The following CARS1 variants were observed in gnomAD, a reference collection of about 807,000 sequenced individuals.
CARS1 encodes cysteine--tRNA ligase, cytoplasmic.
Under a neutral mutation model 106.2 loss-of-function variants are expected in CARS1, and 48 were observed. That is an observed-to-expected ratio of 0.45 (90% CI 0.36 to 0.57). The LOEUF (loss-of-function observed/expected upper bound fraction) is 0.57, where lower values mean the gene tolerates loss of function less well. Ranked by LOEUF, CARS1 falls within the 20% of genes least tolerant of loss-of-function variation. The pLI is 0.00. For missense variants in CARS1, 968 were observed against 1,057.2 expected (o/e 0.92, Z 1.17); for synonymous variants, 409 against 403.4 (o/e 1.01, Z -0.17).
At chr11:3,009,321 A>G (rs1850221013) in intron 18 of CARS1, 1 of 152,264 alleles carries the variant, frequency 6.6e-6, no homozygotes, top group Non-Finnish European at 1.5e-5. Context: ...CACCGTGATC[A>G]GCGAAATAAG....
At chr11:3,006,498 G>A (rs1336484258) in intron 19 of CARS1, among the ~76,000 whole-genome samples, 1 of 152,254 alleles carries the variant, frequency 6.6e-6, no homozygotes. Context: ...TTAACTTTCT[G>A]TGGAACAAAA....
rs1853245720 is a variant in CARS1, at chr11:3,034,074, A to G, written c.801+3976T>C. Among the ~76,000 whole-genome samples, 1 of 152,128 alleles carries G rather than the reference A, an allele frequency of 6.6e-6. No individual in the cohort carries two copies. The highest frequency in any genetic ancestry group is 1.5e-5 in the Non-Finnish European group (1 of 68,012). ...TATGATTACAGGAACGAGCCACTGC[A>G]CCTGGTCTGGGCTGGACAATTTGAC... On this transcript the variant is annotated intron_variant, in intron 7 of 22. Coordinates refer to ENST00000380525, the MANE Select transcript of CARS1 (RefSeq NM_001014437.3). The surrounding 1 kb of genome is among the most constrained non-coding windows in gnomAD (Gnocchi z 6.3).
In CARS1 at chr11:3,019,143, G is replaced by T. The variant is rs752227438; in HGVS notation, c.1391C>A (p.Ser464Ter). 1 of 1,517,742 alleles carries T rather than the reference G, an allele frequency of 6.6e-7. No individual in the cohort carries two copies. The highest frequency in any genetic ancestry group is 8.8e-7 in the Non-Finnish European group (1 of 1,137,762). 94.0% of individuals were successfully genotyped at this position (1,517,742 alleles called of 1,614,324 possible). Residue 464 changes from serine (S) to a stop codon, truncating the protein, a stop_gained, in exon 12 of 23, where the codon TCG becomes TAG. Coordinates refer to ENST00000380525, the MANE Select transcript of CARS1 (RefSeq NM_001014437.3). LOFTEE classifies it high-confidence loss of function. The surrounding 1 kb of genome is among the most constrained non-coding windows in gnomAD (Gnocchi z 6.2). ...FPHHDNELAQ[S>*]EAYFENDCWV... ...GGGGACTCTGTTTTCACCTACCTCC[G>T]ACTGTGCCAGCTCATTGTCATGGTG...
Position 3,020,602 on chromosome 11 carries a change from A to T in CARS1, c.1154-270T>A, listed in dbSNP as rs150329634. 1.1e-3 allele frequency among the ~76,000 whole-genome samples: 171 copies of T among 152,346 alleles called. 1 individual carries two copies. The highest frequency in any genetic ancestry group is 3.4e-3 in the African/African-American group (141 of 41,576). On this transcript the variant is annotated intron_variant, in intron 10 of 22. Transcript: ENST00000380525. This position sits in a 1 kb window ranked among gnomAD's most constrained non-coding sequence, Gnocchi z 4.6. Reference sequence around the variant, plus strand: ...AGGCCACATCTGGGGTCTCCGTAAGACATTCACCTTCCTGCTGCCTTCTCA... The same window carrying T: ...AGGCCACATCTGGGGTCTCCGTAAGTCATTCACCTTCCTGCTGCCTTCTCA...
rs1303998096 is a variant in CARS1 at position 3,039,606 on chromosome 11, C to A, written c.552+229G>T. On this transcript the variant is annotated intron_variant, in intron 5 of 22. Coordinates refer to ENST00000380525, the MANE Select transcript of CARS1 (RefSeq NM_001014437.3). This position sits in a 1 kb window ranked among gnomAD's most constrained non-coding sequence, Gnocchi z 5.6. ...CCTTCCTTCTGCAAAACACCCAGGGCTACCGACCCCTGAGCAACATGCAGG... is the reference window on the plus strand; with the variant it reads ...CCTTCCTTCTGCAAAACACCCAGGGATACCGACCCCTGAGCAACATGCAGG... Among the ~76,000 whole-genome samples the A allele has an allele frequency of 1.3e-5, 2 of 152,198 alleles. No individual in the cohort carries two copies. The highest frequency in any genetic ancestry group is 1.5e-5 in the Non-Finnish European group (1 of 68,040).
intron 10 of CARS1, among the ~76,000 whole-genome samples, chr11:3,025,051 A>G (rs560939880): frequency 1.7e-4 from 26 of 152,236 alleles, no homozygotes; most frequent in African/African-American, 6.0e-4. Context: ...GTTCTAGGGT[A>G]GTGAAGCCTT....
intron 18 of CARS1, among the ~76,000 whole-genome samples, 175 bp downstream of exon 18, chr11:3,012,020 T>A (rs567031245): frequency 1.3e-5 from 2 of 152,366 alleles, no homozygotes; most frequent in African/African-American, 4.8e-5. Flanking sequence ...CGTGTGGTAC[T>A]AATGCACCTG....
chr11:3,013,309 C>T (rs1047946482), intron 17 of CARS1, among the ~76,000 whole-genome samples: 16 of 152,088 alleles, frequency 1.1e-4, no homozygotes, highest in South Asian at 2.1e-4. Context: ...TGCGCCACTA[C>T]GCCCAGCTAA....
At chr11:3,049,842 C>G (rs1257671121) in intron 1 of CARS1, among the ~76,000 whole-genome samples, 1 of 152,230 alleles carries the variant, frequency 6.6e-6, no homozygotes, top group Non-Finnish European at 1.5e-5. Flanking sequence ...CCAACCAAGC[C>G]CACACAGCTT....
chr11:3,046,372 G>A lies in CARS1; in HGVS notation c.274+1381C>T, dbSNP rs1322575216. Among the ~76,000 whole-genome samples the A allele has an allele frequency of 6.6e-6, 1 of 152,136 alleles. No individual in the cohort carries two copies. Reference sequence around the variant, plus strand: ...GTCTTGGAATGGCACATGGCAGGGGGAACAACCTGACACCCGAGCCCTTGG... The same window carrying A: ...GTCTTGGAATGGCACATGGCAGGGGAAACAACCTGACACCCGAGCCCTTGG... On this transcript the variant is annotated intron_variant, in intron 2 of 22. Coordinates refer to ENST00000380525, the MANE Select transcript of CARS1 (RefSeq NM_001014437.3). This position sits in a 1 kb window ranked among gnomAD's most constrained non-coding sequence, Gnocchi z 5.8.
At chr11:3,005,254 G>A (rs1849746533) in intron 20 of CARS1, 112 bp downstream of exon 20, 1 of 727,478 alleles carries the variant, frequency 1.4e-6, no homozygotes, top group Non-Finnish European at 2.3e-6. Context: ...TAAATACTGG[G>A]ATTTTAATAA....
At chr11:3,026,958 G>C (rs1390524076) in intron 9 of CARS1, 161 bp from the exon 10 acceptor site, 2 of 770,410 alleles carry the variant, frequency 2.6e-6, no homozygotes, top group Non-Finnish European at 4.0e-6. Flanking sequence ...TGTTTGGACT[G>C]AGTGGGACAC....
rs1158893208 is a variant in CARS1, at chr11:3,028,819, G to T, written c.1031+177C>A. 1 of 612,552 alleles carries T rather than the reference G, an allele frequency of 1.6e-6. No homozygotes were observed. Among genetic ancestry groups the T allele is most frequent in the African/African-American group, 1.8e-5 (1 of 54,278 alleles). The allele number at this position is 612,552 out of a possible 1,614,324, so 37.9% of individuals were successfully genotyped here. A position where few individuals can be genotyped will look rare whatever the true frequency, so the allele number is the denominator to read the frequency against. ...GGCCCCCAGGACAGTGCAGACCCATGCTCCTCAGCCCCTGGGTGGGCCCAG... is the reference window on the plus strand; with the variant it reads ...GGCCCCCAGGACAGTGCAGACCCATTCTCCTCAGCCCCTGGGTGGGCCCAG... On this transcript the variant is annotated intron_variant, in intron 9 of 22. Transcript: ENST00000380525. This position sits in a 1 kb window ranked among gnomAD's most constrained non-coding sequence, Gnocchi z 4.4.
In CARS1 at chr11:3,030,294, G is replaced by A. The variant is rs1378817029; in HGVS notation, c.802-851C>T. 6.6e-6 allele frequency: 1 copy of A among 152,238 alleles called. No individual in the cohort carries two copies. Among genetic ancestry groups the A allele is most frequent in the Non-Finnish European group, 1.5e-5 (1 of 68,080 alleles). The allele number at this position is 152,238 out of a possible 1,614,324, so 9.4% of individuals were successfully genotyped here. On this transcript the variant is annotated intron_variant, in intron 7 of 22. Coordinates refer to ENST00000380525, the MANE Select transcript of CARS1 (RefSeq NM_001014437.3). The surrounding 1 kb of genome is among the most constrained non-coding windows in gnomAD (Gnocchi z 5.7). ...ACAACACAGACAGAGAAGGGGCACA[G>A]GGCCCACGTGGGCCAGGTTCCTGAT...
intron 7 of CARS1, among the ~76,000 whole-genome samples, chr11:3,035,375 A>G (rs956086340): frequency 3.3e-5 from 5 of 152,224 alleles, no homozygotes; most frequent in Non-Finnish European, 1.5e-5. Flanking sequence ...TCAGCACTTC[A>G]CATTCATTGA....
Position 3,040,363 on chromosome 11 carries a change from C to T in CARS1, c.456-432G>A, listed in dbSNP as rs939634012. The T allele has an allele frequency of 5.5e-6, 2 of 361,112 alleles. No homozygotes were observed. Among genetic ancestry groups the T allele is most frequent in the Non-Finnish European group, 1.1e-5 (2 of 185,070 alleles). 22.4% of individuals were successfully genotyped at this position (361,112 alleles called of 1,614,324 possible). Reference sequence around the variant, plus strand: ...TGTGCAGAGGGTCACACCCTCTACCCTCCAGGTTGTTCAAGGGTTGACTAT... The same window carrying T: ...TGTGCAGAGGGTCACACCCTCTACCTTCCAGGTTGTTCAAGGGTTGACTAT... On this transcript the variant is annotated intron_variant, in intron 4 of 22. Transcript: ENST00000380525. The surrounding 1 kb of genome is among the most constrained non-coding windows in gnomAD (Gnocchi z 5.8).
rs1425583194 is a variant in CARS1 at position 3,030,721 on chromosome 11, T to A, written c.802-1278A>T. On this transcript the variant is annotated intron_variant, in intron 7 of 22. Coordinates refer to ENST00000380525, the MANE Select transcript of CARS1 (RefSeq NM_001014437.3). This position sits in a 1 kb window ranked among gnomAD's most constrained non-coding sequence, Gnocchi z 5.7. ...GATACATAATAAAATCCAGTAAATA[T>A]TACAGGCTTAAAGACATAAGGACGG... 2 of 152,000 alleles carry A rather than the reference T, an allele frequency of 1.3e-5. No homozygotes were observed. Among genetic ancestry groups the A allele is most frequent in the African/African-American group, 4.8e-5 (2 of 41,350 alleles). The allele number at this position is 152,000 out of a possible 1,614,324, so 9.4% of individuals were successfully genotyped here.
chr11:3,039,977 T>C lies in CARS1; in HGVS notation c.456-46A>G. Reference sequence around the variant, plus strand: ...ACATTTCCACACCAGACGATATGTATAGCTTAACCTCCAACAACACGTGTT... The same window carrying C: ...ACATTTCCACACCAGACGATATGTACAGCTTAACCTCCAACAACACGTGTT... On this transcript the variant is annotated intron_variant, in intron 4 of 22. Coordinates refer to ENST00000380525, the MANE Select transcript of CARS1 (RefSeq NM_001014437.3). The surrounding 1 kb of genome is among the most constrained non-coding windows in gnomAD (Gnocchi z 5.6). 1.0e-6 allele frequency: 1 copy of C among 978,272 alleles called. No homozygotes were observed. The highest frequency in any genetic ancestry group is 2.5e-5 in the East Asian group (1 of 40,000). The allele number at this position is 978,272 out of a possible 1,614,324, so 60.6% of individuals were successfully genotyped here.
In CARS1 at chr11:3,017,781, C is replaced by T; in HGVS notation, c.1727+76G>A. 1 of 957,338 alleles carries T rather than the reference C, an allele frequency of 1.0e-6. No individual in the cohort carries two copies. Among genetic ancestry groups the T allele is most frequent in the Non-Finnish European group, 1.7e-6 (1 of 588,184 alleles). The allele number at this position is 957,338 out of a possible 1,614,324, so 59.3% of individuals were successfully genotyped here. On this transcript the variant is annotated intron_variant, in intron 15 of 22. Coordinates refer to ENST00000380525, the MANE Select transcript of CARS1 (RefSeq NM_001014437.3). This position sits in a 1 kb window ranked among gnomAD's most constrained non-coding sequence, Gnocchi z 4.9. ...AGCCCTTCCTCGACAGTCCAGGACA[C>T]ATGGTGGCCAAGATGCGAGGCTAGG... is the stretch of plus-strand genomic sequence containing the variant.
Sources: allele counts gnomAD v4.1 joint callset (sites outside exome capture counted in the v4.1 genomes callset), GRCh38; gene constraint gnomAD v4.1.1; non-coding constraint Gnocchi (gnomAD v3.1); transcripts MANE v1.5; gene names NCBI Gene and HGNC (gene_info 2026-07-23, HGNC 2026-07-21).